AFG2A: variants seen among roughly 807,000 people sequenced by gnomAD.
AFG2A encodes AAA ATPase AFG2A.
At chr4:123,224,088 T>C in the AFG2A span, among the ~76,000 whole-genome samples, 1 of 152,188 alleles carries the variant, frequency 6.6e-6, no homozygotes, top group South Asian at 2.1e-4. Flanking sequence ...TTGAGTTGAT[T>C]TTTGTATATG....
At chr4:123,287,326 C>A in the AFG2A span, among the ~76,000 whole-genome samples, 1 of 152,164 alleles carries the variant, frequency 6.6e-6, no homozygotes, top group Admixed American at 6.5e-5. Flanking sequence ...CACACTTCAA[C>A]TCAATAGTAG....
At chr4:123,074,111 T>TTTTTTTTTTAGG in the AFG2A span, among the ~76,000 whole-genome samples, 1 of 148,904 alleles carries the variant, frequency 6.7e-6, no homozygotes, top group Non-Finnish European at 1.5e-5. Context: ...TTTTTTTTTT[T>TTTTTTTTTTAGG]GAGGCAGAGT....
the AFG2A span, among the ~76,000 whole-genome samples, chr4:123,063,303 G>A: frequency 6.6e-6 from 1 of 152,146 alleles, no homozygotes. Context: ...TAGGAAAACA[G>A]AGAAAAATTT....
chr4:123,197,123 C>A, the AFG2A span, among the ~76,000 whole-genome samples: 2 of 152,114 alleles, frequency 1.3e-5, no homozygotes, highest in African/African-American at 4.8e-5. Context: ...TACATTTGCC[C>A]TACCTAAGTT....
the AFG2A span, among the ~76,000 whole-genome samples, chr4:123,273,769 G>C: frequency 6.6e-6 from 1 of 152,162 alleles, no homozygotes; most frequent in Admixed American, 6.5e-5. Context: ...ATAAGATGTA[G>C]ATGAAACACA....
At chr4:122,973,925 G>A in the AFG2A span, among the ~76,000 whole-genome samples, 3 of 152,126 alleles carry the variant, frequency 2.0e-5, no homozygotes, top group Admixed American at 6.6e-5. Flanking sequence ...CTCTCCGCCC[G>A]TCTCAGCCTC....
the AFG2A span, among the ~76,000 whole-genome samples, chr4:123,214,193 C>T: frequency 6.6e-6 from 1 of 152,044 alleles, no homozygotes; most frequent in South Asian, 2.1e-4. Context: ...TATAAGTATT[C>T]TTGGGCATTT....
At chr4:122,982,846 A>G in the AFG2A span, among the ~76,000 whole-genome samples, 1 of 104,018 alleles carries the variant, frequency 9.6e-6, no homozygotes. Context: ...TTCTCAGTTT[A>G]TTTACTTTAA....
the AFG2A span, among the ~76,000 whole-genome samples, chr4:123,159,982 G>A: frequency 2.0e-5 from 3 of 152,100 alleles, no homozygotes; most frequent in African/African-American, 7.2e-5. Context: ...TCTAACATGG[G>A]TGTGAATAAT....
the AFG2A span, among the ~76,000 whole-genome samples, chr4:123,290,939 G>T: frequency 6.6e-6 from 1 of 152,058 alleles, no homozygotes; most frequent in Non-Finnish European, 1.5e-5. Flanking sequence ...TCTTTTCTTA[G>T]GTCTAAGAGC....
the AFG2A span, among the ~76,000 whole-genome samples, chr4:122,992,144 C>T: frequency 6.6e-6 from 1 of 152,188 alleles, no homozygotes; most frequent in African/African-American, 2.4e-5. Context: ...AAACAGCATC[C>T]ACTCTTGGAA....
chr4:123,038,349 G>A, the AFG2A span, among the ~76,000 whole-genome samples: 4 of 152,048 alleles, frequency 2.6e-5, no homozygotes, highest in Admixed American at 2.6e-4. Context: ...GCTGATTGCT[G>A]CTCTCTTCCA....
the AFG2A span, among the ~76,000 whole-genome samples, chr4:123,020,870 G>A: frequency 6.6e-6 from 1 of 152,078 alleles, no homozygotes; most frequent in South Asian, 2.1e-4. Flanking sequence ...TGTTTTGGGA[G>A]GATAGTCTAG....
chr4:122,985,203 G>A, the AFG2A span, among the ~76,000 whole-genome samples: 6 of 148,792 alleles, frequency 4.0e-5, no homozygotes, highest in Admixed American at 4.1e-4. Flanking sequence ...TCGGCTCATC[G>A]CAACCTCTGC....
At chr4:123,009,021 G>C in the AFG2A span, among the ~76,000 whole-genome samples, 1 of 152,146 alleles carries the variant, frequency 6.6e-6, no homozygotes, top group Admixed American at 6.5e-5. Flanking sequence ...TGATTCACTA[G>C]AAGGACTCAC....
the AFG2A span, among the ~76,000 whole-genome samples, chr4:123,014,308 TG>T: frequency 6.6e-6 from 1 of 152,210 alleles, no homozygotes. Context: ...ATTTTCATGA[TG>T]TATGAAGAAT....
At chr4:123,227,514 A>T in the AFG2A span, among the ~76,000 whole-genome samples, 1 of 151,864 alleles carries the variant, frequency 6.6e-6, no homozygotes, top group Non-Finnish European at 1.5e-5. Context: ...CATGTAGTTG[A>T]GCGGTTTTGA....
At chr4:122,954,253 CCCT>C in the AFG2A span, among the ~76,000 whole-genome samples, 1 of 152,132 alleles carries the variant, frequency 6.6e-6, no homozygotes, top group African/African-American at 2.4e-5. Flanking sequence ...GAGTATAACA[CCCT>C]CCATCCCCGT....
chr4:123,236,779 T>G, the AFG2A span, among the ~76,000 whole-genome samples: 1 of 152,206 alleles, frequency 6.6e-6, no homozygotes, highest in Non-Finnish European at 1.5e-5. Context: ...GCTGGCAAGC[T>G]TATTAAACAT....
Sources: gnomAD v4.1 joint callset for allele counts (sites outside exome capture counted in the v4.1 genomes callset) on GRCh38, gnomAD v4.1.1 for gene constraint, MANE v1.5 for transcripts, NCBI Gene and HGNC (gene_info 2026-07-23, HGNC 2026-07-21) for gene names.